Variants in SMAD3 observed in about 807,000 individuals in gnomAD.
SMAD3 encodes SMAD family member 3.
SMAD3 carries 12 observed loss-of-function variants against 51.8 expected under a neutral mutation model. That is an observed-to-expected ratio of 0.23 (90% CI 0.15 to 0.38). SMAD3 has a LOEUF of 0.38. Ranked by LOEUF, SMAD3 falls within the 10% of genes least tolerant of loss-of-function variation. The pLI is 1.00. For synonymous variants in SMAD3, 238 were observed against 227.7 expected (o/e 1.05, Z -0.41); for missense variants, 294 against 565.6 (o/e 0.52, Z 4.87).
intron 1 of SMAD3, among the ~76,000 whole-genome samples, chr15:67,134,981 C>T (rs900224648): frequency 6.6e-6 from 1 of 152,162 alleles, no homozygotes; most frequent in African/African-American, 2.4e-5. Flanking sequence ...CTTCAGCCCC[C>T]AGGGTCCTGC....
At chr15:67,151,022 A>AT (rs1671171788) in intron 1 of SMAD3, among the ~76,000 whole-genome samples, 1 of 149,612 alleles carries the variant, frequency 6.7e-6, no homozygotes, top group Non-Finnish European at 1.5e-5. Context: ...TGCCTGGCTA[A>AT]TTTTTTTGTA....
At chr15:67,161,415 C>T (rs551381898) in intron 1 of SMAD3, among the ~76,000 whole-genome samples, 2 of 152,334 alleles carry the variant, frequency 1.3e-5, no homozygotes, top group South Asian at 2.1e-4. Flanking sequence ...ACTTCTATCA[C>T]CTAGATGGAG....
At position 67,125,044 on chromosome 15, in the gene SMAD3, C is replaced by T. The variant is rs1382211126; in HGVS notation, c.207-39851C>T. Among the ~76,000 whole-genome samples the T allele has an allele frequency of 2.6e-5, 4 of 152,238 alleles. No individual in the cohort carries two copies. In the East Asian group the frequency reaches 7.7e-4, roughly 29 times the overall value. The stretch of plus-strand genomic sequence containing the variant: ...GCTTATGGGCACCCCACCCGACCAG[C>T]CAAATGGTCAGAGAGCTGGGTGGGT... On this transcript the variant is annotated intron_variant, in intron 1 of 8. Transcript: ENST00000327367.
intron 8 of SMAD3, 31 bp from the exon 9 acceptor site, chr15:67,190,382 C>T (rs929743411): frequency 6.2e-7 from 1 of 1,608,416 alleles, no homozygotes; most frequent in Admixed American, 1.7e-5. Context: ...TTTTAAGTCC[C>T]CCACCCCACC....
At position 67,161,527 on chromosome 15, in the gene SMAD3, G is replaced by A. The variant is rs557290401; in HGVS notation, c.207-3368G>A. The stretch of plus-strand genomic sequence containing the variant: ...TGATGTCCAGCTGGCCCTTTTTTGG[G>A]AGTTTTGTCAAACACCGAAGAGCAA... On this transcript the variant is annotated intron_variant, in intron 1 of 8. Transcript: ENST00000327367. Among the ~76,000 whole-genome samples the A allele has an allele frequency of 2.6e-5, 4 of 152,172 alleles. No homozygotes were observed. In the East Asian group the frequency reaches 5.8e-4, roughly 22 times the overall value.
chr15:67,183,670 T>G (rs1375853942), intron 6 of SMAD3, among the ~76,000 whole-genome samples: 2 of 152,196 alleles, frequency 1.3e-5, no homozygotes, highest in Non-Finnish European at 2.9e-5. Context: ...TCCCCAGGAA[T>G]GGAGCAGAGA....
intron 8 of SMAD3, among the ~76,000 whole-genome samples, chr15:67,188,631 C>T (rs11632754): frequency 0.68 from 102,963 of 152,170 alleles, 35,926 homozygotes; most frequent in Middle Eastern, 0.83. Flanking sequence ...CAGCCGCCAG[C>T]TCCTGCGGCA....
intron 1 of SMAD3, among the ~76,000 whole-genome samples, chr15:67,107,870 T>TA (rs1960913414): frequency 6.6e-6 from 1 of 152,210 alleles, no homozygotes; most frequent in Non-Finnish European, 1.5e-5. Context: ...GCTTCTGTGA[T>TA]ACTGACATCT....
intron 1 of SMAD3, among the ~76,000 whole-genome samples, chr15:67,133,806 T>A (rs1202566822): frequency 6.6e-6 from 1 of 152,086 alleles, no homozygotes; most frequent in Non-Finnish European, 1.5e-5. Flanking sequence ...GAATGATCTG[T>A]TTTAACCTTT....
intron 1 of SMAD3, among the ~76,000 whole-genome samples, chr15:67,115,076 C>T (rs1046641158): frequency 1.3e-5 from 2 of 152,160 alleles, no homozygotes; most frequent in African/African-American, 4.8e-5. Flanking sequence ...TGGTTGGGAT[C>T]TGGAGTAAGC....
Position 67,098,360 on chromosome 15 carries a change from GAGCAAGCA to G in SMAD3, c.206+32012_206+32019del, listed in dbSNP as rs371793630. ...GGAGGGAGGGAGGGAGAGAGCGAGC[GAGCAAGCA>G]AGCAAGCAAGCCAGCAGGATTTGGA... On this transcript the variant is annotated intron_variant, in intron 1 of 8. Transcript: ENST00000327367. Among the ~76,000 whole-genome samples, 7 of 117,868 alleles carry G rather than the reference GAGCAAGCA, an allele frequency of 5.9e-5. No individual in the cohort carries two copies. The Admixed American group carries it at 6.5e-4, about 11-fold the overall frequency. 77.3% of individuals were successfully genotyped at this position (117,868 alleles called of 152,430 possible).
intron 1 of SMAD3, among the ~76,000 whole-genome samples, chr15:67,155,020 C>T (rs1024346582): frequency 7.2e-5 from 11 of 152,232 alleles, no homozygotes; most frequent in African/African-American, 2.7e-4. Context: ...CTCCTTCTCA[C>T]ACTGCAGTAA....
intron 8 of SMAD3, among the ~76,000 whole-genome samples, chr15:67,190,049 G>C (rs1273848773): frequency 1.3e-5 from 2 of 152,018 alleles, no homozygotes; most frequent in Non-Finnish European, 1.5e-5. Flanking sequence ...ATGGGAGCCA[G>C]GAAGCCCTTT....
rs572574198 is a variant in SMAD3 at position 67,187,650 on chromosome 15, G to T, written c.1154+141G>T. 194 of 1,093,270 alleles carry T rather than the reference G, an allele frequency of 1.8e-4. 1 individual carries two copies. In the African/African-American group the frequency reaches 2.5e-3, roughly 14 times the overall value. The allele number at this position is 1,093,270 out of a possible 1,614,324, so 67.7% of individuals were successfully genotyped here. A position where few individuals can be genotyped will look rare whatever the true frequency, so the allele number is the denominator to read the frequency against. Reference sequence around the variant, plus strand: ...GACCAAAGATCAGAGAGAGGCCAAGGCCTGGCAGGCAGGAGGGGCCGGGCC... The same window carrying T: ...GACCAAAGATCAGAGAGAGGCCAAGTCCTGGCAGGCAGGAGGGGCCGGGCC... On this transcript the variant is annotated intron_variant, in intron 8 of 8. Coordinates refer to ENST00000327367, the MANE Select transcript of SMAD3 (RefSeq NM_005902.4).
chr15:67,124,711 A>G (rs954950231), intron 1 of SMAD3, among the ~76,000 whole-genome samples: 3 of 152,204 alleles, frequency 2.0e-5, no homozygotes, highest in Non-Finnish European at 4.4e-5. Flanking sequence ...TTTCAAAGGT[A>G]CACCTCTACC....
chr15:67,187,063 C>T (rs2140322888), intron 7 of SMAD3: 2 of 560,634 alleles, frequency 3.6e-6, no homozygotes, highest in South Asian at 1.5e-5. Flanking sequence ...TTTGGAAGCC[C>T]TCTTTGCAGA....
chr15:67,129,593 C>T (rs1595916962), intron 1 of SMAD3, among the ~76,000 whole-genome samples: 1 of 152,168 alleles, frequency 6.6e-6, no homozygotes, highest in Non-Finnish European at 1.5e-5. Context: ...GGTACTGTCT[C>T]TGGTTTCAGG....
intron 7 of SMAD3, chr15:67,187,131 G>T (rs547961073): frequency 4.5e-6 from 3 of 672,426 alleles, no homozygotes; most frequent in Non-Finnish European, 8.2e-6. Context: ...CCCCTTGCAG[G>T]TATGTCAGTG....
intron 1 of SMAD3, among the ~76,000 whole-genome samples, chr15:67,115,038 G>T (rs1476738669): frequency 6.6e-6 from 1 of 152,146 alleles, no homozygotes; most frequent in Non-Finnish European, 1.5e-5. Flanking sequence ...TACCCATATG[G>T]ACACTACATC....
Sources: allele counts gnomAD v4.1 joint callset (sites outside exome capture counted in the v4.1 genomes callset), GRCh38; gene constraint gnomAD v4.1.1; transcripts MANE v1.5; gene names NCBI Gene and HGNC (gene_info 2026-07-23, HGNC 2026-07-21).